AHI1: variants seen among roughly 807,000 people sequenced by gnomAD.
AHI1 encodes the protein Abelson helper integration site 1.
A neutral mutation model predicts 149.3 loss-of-function variants in AHI1; 123 were observed. The observed-to-expected ratio is 0.82, with a 90% CI of 0.71 to 0.96. AHI1 has a LOEUF of 0.96. Among genes scored for constraint, AHI1 ranks in the 40% least tolerant of loss-of-function variants. The pLI, the probability that AHI1 is intolerant of heterozygous loss-of-function variation, is 0.00. For synonymous variants in AHI1, 475 were observed against 459.8 expected, an observed-to-expected ratio of 1.03 and a Z score of -0.42; for missense variants, 1,439 against 1,422.7, an observed-to-expected ratio of 1.01 and a Z score of -0.18.
chr6:135,401,148 C>T (rs778198889), intron 22 of AHI1, among the ~76,000 whole-genome samples: 26 of 152,306 alleles, frequency 1.7e-4, no homozygotes, highest in South Asian at 4.1e-4. Flanking sequence ...TTTTGCAGGA[C>T]ATGACTAGCT....
At chr6:135,309,620 T>C (rs1056943562) in intron 26 of AHI1, among the ~76,000 whole-genome samples, 4 of 152,106 alleles carry the variant, frequency 2.6e-5, no homozygotes, top group Non-Finnish European at 4.4e-5. Context: ...TAGCTGGGAT[T>C]ACAGGCATGC....
intron 24 of AHI1, among the ~76,000 whole-genome samples, chr6:135,337,190 C>G (rs1789528022): frequency 6.6e-6 from 1 of 152,036 alleles, no homozygotes; most frequent in African/African-American, 2.4e-5. Flanking sequence ...CTTGGCATTT[C>G]TTTATTAATA....
At chr6:135,293,670 C>T (rs543219412) in intron 27 of AHI1, among the ~76,000 whole-genome samples, 6 of 143,834 alleles carry the variant, frequency 4.2e-5, no homozygotes, top group African/African-American at 1.4e-4. Flanking sequence ...AAGACCTATA[C>T]ACTGTATGTC....
intron 24 of AHI1, among the ~76,000 whole-genome samples, chr6:135,346,055 G>C (rs1791151820): frequency 6.6e-6 from 1 of 152,154 alleles, no homozygotes; most frequent in Non-Finnish European, 1.5e-5. Flanking sequence ...AACTAGCTAA[G>C]CTTAACATAT....
chr6:135,303,524 C>T (rs1363097097), intron 26 of AHI1, among the ~76,000 whole-genome samples: 3 of 149,980 alleles, frequency 2.0e-5, no homozygotes, highest in African/African-American at 7.3e-5. Context: ...TCTGTGTGGC[C>T]TGGGTAAACC....
intron 24 of AHI1, among the ~76,000 whole-genome samples, chr6:135,342,897 C>T (rs1790586836): frequency 6.6e-6 from 1 of 151,266 alleles, no homozygotes; most frequent in East Asian, 1.9e-4. Flanking sequence ...CAGGGACATT[C>T]ATACCACTTC....
At chr6:135,479,618 A>C (rs1311651276) in intron 5 of AHI1, among the ~76,000 whole-genome samples, 1 of 152,108 alleles carries the variant, frequency 6.6e-6, no homozygotes, top group Admixed American at 6.5e-5. Flanking sequence ...GATGGAAGAG[A>C]CTTGCCTTGT....
At chr6:135,489,890 C>G (rs1795004293) in intron 5 of AHI1, 1 of 276,974 alleles carries the variant, frequency 3.6e-6, no homozygotes, top group African/African-American at 2.2e-5. Flanking sequence ...TTATAAAACT[C>G]CTGCCAAAAA....
intron 23 of AHI1, among the ~76,000 whole-genome samples, chr6:135,390,227 T>C (rs1778288376): frequency 6.6e-6 from 1 of 152,134 alleles, no homozygotes; most frequent in Non-Finnish European, 1.5e-5. Flanking sequence ...GCCTGTTGTT[T>C]GGACTGGAGA....
chr6:135,455,325 T>C (rs564444256), intron 10 of AHI1, among the ~76,000 whole-genome samples: 2 of 152,330 alleles, frequency 1.3e-5, no homozygotes, highest in Admixed American at 1.3e-4. Context: ...CTGCATTAAC[T>C]GATCTGTGTA....
At chr6:135,421,352 G>A (rs752600487) in intron 20 of AHI1, among the ~76,000 whole-genome samples, 15 of 152,024 alleles carry the variant, frequency 9.9e-5, no homozygotes, top group Non-Finnish European at 2.2e-4. Context: ...TGTAGAAAAC[G>A]CAATATCTAT....
At chr6:135,347,021 C>A (rs1170312550) in intron 24 of AHI1, among the ~76,000 whole-genome samples, 1 of 152,212 alleles carries the variant, frequency 6.6e-6, no homozygotes, top group Admixed American at 6.5e-5. Flanking sequence ...AAGGTTCTAT[C>A]CACTAGCCTC....
In AHI1 at chr6:135,383,621, T is replaced by C. The variant is rs567071563; in HGVS notation, c.3109+11155A>G. Among the ~76,000 whole-genome samples the C allele has an allele frequency of 2.0e-3, 301 of 152,174 alleles. 3 individuals carry two copies. The highest frequency in any genetic ancestry group is 6.8e-3 in the African/African-American group (283 of 41,520). ...GGAATACTCATTTTCTTCAAAGGCA[T>C]GTATTAAGTGTATTATCAGAAAAAA... is the stretch of plus-strand genomic sequence containing the variant. On this transcript the variant is annotated intron_variant, in intron 23 of 28. Coordinates refer to ENST00000265602, the MANE Select transcript of AHI1 (RefSeq NM_001134831.2).
chr6:135,456,607 T>C (rs1022462201), intron 9 of AHI1, among the ~76,000 whole-genome samples: 23 of 152,028 alleles, frequency 1.5e-4, no homozygotes, highest in Non-Finnish European at 1.2e-4. Flanking sequence ...CTGTAAACCC[T>C]TTGAGTTGTC....
rs201691998 is a variant in AHI1 at position 135,358,137 on chromosome 6, G to A, written c.3160C>T (p.Pro1054Ser). Residue 1054 changes from proline to serine, a missense_variant, in exon 24 of 29, where the codon CCA becomes TCA. Transcript: ENST00000265602. ...KPCNHQVDTA[P>S]TVVALYDYTA... ...GTAGCAACAGACTGTCTTACCGTTG[G>A]TGCTGTATCTACCTGATGGTTACAA... The A allele has an allele frequency of 1.2e-6, 2 of 1,612,230 alleles. No homozygotes were observed. Among genetic ancestry groups the A allele is most frequent in the African/African-American group, 2.7e-5 (2 of 74,810 alleles).
intron 3 of AHI1, among the ~76,000 whole-genome samples, chr6:135,493,620 T>C (rs1234667347): frequency 2.6e-5 from 4 of 152,072 alleles, no homozygotes; most frequent in Non-Finnish European, 5.9e-5. Flanking sequence ...AATGACAGCA[T>C]GAGTAATTGA....
intron 5 of AHI1, among the ~76,000 whole-genome samples, chr6:135,477,581 G>A (rs920012722): frequency 5.9e-5 from 9 of 152,172 alleles, no homozygotes; most frequent in Admixed American, 2.6e-4. Context: ...TCATGGGGAC[G>A]GATATCCCCT....
chr6:135,382,671 C>T (rs1223723657), intron 23 of AHI1, among the ~76,000 whole-genome samples: 2 of 151,692 alleles, frequency 1.3e-5, no homozygotes, highest in African/African-American at 2.4e-5. Context: ...TTCTGAATTT[C>T]CAGAGCTTTC....
At chr6:135,439,991 T>G (rs56023976) in intron 14 of AHI1, among the ~76,000 whole-genome samples, 2,242 of 152,294 alleles carry the variant, frequency 0.015, 28 homozygotes, top group Non-Finnish European at 0.02. Flanking sequence ...AAGCAAAGCT[T>G]ACAAAAATTT....
Sources: allele counts gnomAD v4.1 joint callset (sites outside exome capture counted in the v4.1 genomes callset), GRCh38; gene constraint gnomAD v4.1.1; transcripts MANE v1.5; gene names NCBI Gene and HGNC (gene_info 2026-07-23, HGNC 2026-07-21).